CCZ1: variants seen among roughly 807,000 people sequenced by gnomAD.
CCZ1 encodes the protein CCZ1 vacuolar protein trafficking and biogenesis associated, also known as vacuolar fusion protein CCZ1 homolog.
Under a neutral mutation model 57.8 loss-of-function variants are expected in CCZ1, and 19 were observed. The observed-to-expected ratio is 0.33, with a 90% CI of 0.23 to 0.48. CCZ1 has a LOEUF of 0.48. Among genes scored for constraint, CCZ1 ranks in the 20% least tolerant of loss-of-function variants. The pLI, the probability that CCZ1 is intolerant of heterozygous loss-of-function variation, is 0.99. For synonymous variants in CCZ1, 81 were observed against 167.0 expected (o/e 0.49, Z 3.97); for missense variants, 200 against 492.0 (o/e 0.41, Z 5.61).
chr7:5,910,730 A>AT (rs1280126823), intron 8 of CCZ1, among the ~76,000 whole-genome samples: 3 of 91,594 alleles, frequency 3.3e-5, no homozygotes, highest in Non-Finnish European at 6.7e-5. Context: ...TTATTTATTT[A>AT]TTTATTTATT....
chr7:5,911,284 T>C (rs1781972596), intron 8 of CCZ1, among the ~76,000 whole-genome samples: 1 of 148,990 alleles, frequency 6.7e-6, no homozygotes, highest in South Asian at 2.2e-4. Context: ...TTTGGCTCAG[T>C]TGAACTCACT....
intron 8 of CCZ1, among the ~76,000 whole-genome samples, chr7:5,911,511 T>G (rs1326472650): frequency 6.7e-6 from 1 of 148,980 alleles, no homozygotes; most frequent in African/African-American, 2.5e-5. Flanking sequence ...CCCAGGCTAT[T>G]CTCAAACTCC....
chr7:5,901,780 G>A (rs112286506), intron 5 of CCZ1, 76 bp downstream of exon 5: 255,197 of 1,554,008 alleles, frequency 0.16, 28,518 homozygotes, highest in Non-Finnish European at 0.18. Context: ...TGTTTAAAGA[G>A]AAATCTGTAA....
In CCZ1 at chr7:5,925,857, A is replaced by ATATT; in HGVS notation, c.*174_*177dup. The ATATT allele has an allele frequency of 2.2e-6, 2 of 899,908 alleles. No homozygotes were observed. Among genetic ancestry groups the ATATT allele is most frequent in the East Asian group, 4.9e-5 (2 of 40,452 alleles). 55.7% of individuals were successfully genotyped at this position (899,908 alleles called of 1,614,324 possible). ...CTGATCTGAGGTTTTTAGATTTTAA[A>ATATT]TATTTATGTGGAATTAATTAAAGGT... On this transcript the variant is annotated 3_prime_UTR_variant, in exon 15 of 15. Coordinates refer to ENST00000325974, the MANE Select transcript of CCZ1 (RefSeq NM_015622.6).
intron 9 of CCZ1, among the ~76,000 whole-genome samples, chr7:5,912,641 C>T (rs1779062795): frequency 6.6e-6 from 1 of 150,670 alleles, no homozygotes; most frequent in South Asian, 2.1e-4. Context: ...TTCAGGTGAT[C>T]CACCCAGCTC....
intron 10 of CCZ1, among the ~76,000 whole-genome samples, chr7:5,915,233 T>A (rs1472479381): frequency 6.7e-6 from 1 of 149,416 alleles, no homozygotes; most frequent in Non-Finnish European, 1.5e-5. Flanking sequence ...GAAGGGGAGA[T>A]TGCAGGAAGA....
At position 5,904,141 on chromosome 7, in the gene CCZ1, A is replaced by G. The variant is rs537945221; in HGVS notation, c.523-953A>G. Among the ~76,000 whole-genome samples, 197 of 110,042 alleles carry G rather than the reference A, an allele frequency of 1.8e-3. 2 individuals are homozygous for G. The highest frequency in any genetic ancestry group is 7.4e-3 in the African/African-American group (191 of 25,932). 72.2% of individuals were successfully genotyped at this position (110,042 alleles called of 152,430 possible). On this transcript the variant is annotated intron_variant, in intron 6 of 14. Coordinates refer to ENST00000325974, the MANE Select transcript of CCZ1 (RefSeq NM_015622.6). ...GAATCTTACTCTTGTCACCCAGGCT[A>G]GAGTGCAATGGTGTGATCTTGGCTC...
chr7:5,899,805 G>A (rs1471562947), intron 1 of CCZ1, among the ~76,000 whole-genome samples: 4 of 151,820 alleles, frequency 2.6e-5, no homozygotes, highest in Non-Finnish European at 5.9e-5. Flanking sequence ...CAAATGGCTG[G>A]GAACTGACTG....
chr7:5,920,543 C>T (rs1347051382), intron 12 of CCZ1, among the ~76,000 whole-genome samples: 31 of 111,582 alleles, frequency 2.8e-4, no homozygotes, highest in Non-Finnish European at 5.0e-4. Context: ...TTGATCTTGG[C>T]TCACTGCAGC....
rs549264686 is a variant in CCZ1 at position 5,908,921 on chromosome 7, C to G, written c.699-1114C>G. On this transcript the variant is annotated intron_variant, in intron 7 of 14. Coordinates refer to ENST00000325974, the MANE Select transcript of CCZ1 (RefSeq NM_015622.6). ...TAAAATCCATGTACATTTCTGAGAC[C>G]TAGGATCACGTTCCCTGTCTACAGC... 3.0e-4 allele frequency among the ~76,000 whole-genome samples: 44 copies of G among 147,260 alleles called. 1 individual carries two copies. Among genetic ancestry groups the G allele is most frequent in the Non-Finnish European group, 5.2e-4 (35 of 67,450 alleles).
chr7:5,908,055 C>CTA, intron 7 of CCZ1, among the ~76,000 whole-genome samples: 1 of 142,016 alleles, frequency 7.0e-6, no homozygotes, highest in East Asian at 2.5e-4. Flanking sequence ...TTGCAGTGAG[C>CTA]TATGATAGCA....
intron 10 of CCZ1, among the ~76,000 whole-genome samples, chr7:5,916,713 G>C (rs1185836568): frequency 6.8e-6 from 1 of 147,254 alleles, no homozygotes; most frequent in African/African-American, 2.7e-5. Flanking sequence ...TGGCCACAGA[G>C]ACACAGCTGG....
At position 5,901,504 on chromosome 7, in the gene CCZ1, C is replaced by T. The variant is rs964981324; in HGVS notation, c.391-153C>T. 6.4e-5 allele frequency: 76 copies of T among 1,194,200 alleles called. 3 individuals are homozygous for T. Among genetic ancestry groups the T allele is most frequent in the African/African-American group, 1.5e-4 (9 of 60,872 alleles). 74.0% of individuals were successfully genotyped at this position (1,194,200 alleles called of 1,614,324 possible). On this transcript the variant is annotated intron_variant, in intron 4 of 14. Transcript: ENST00000325974. ...CATCTCAAAAAAAAAAAAAAAAGAACGCAAACACTTTTTTTTCAGCACGCA... is the reference window on the plus strand; with the variant it reads ...CATCTCAAAAAAAAAAAAAAAAGAATGCAAACACTTTTTTTTCAGCACGCA...
chr7:5,910,428 C>T (rs1781942230), intron 8 of CCZ1, among the ~76,000 whole-genome samples: 1 of 149,092 alleles, frequency 6.7e-6, no homozygotes, highest in Non-Finnish European at 1.5e-5. Context: ...GAGGTTCAAG[C>T]AATTCTCCTT....
chr7:5,905,150 C>G lies in CCZ1; in HGVS notation c.579C>G (p.Ile193Met). Reference sequence around the variant, plus strand: ...ACCTACTTGACATTTTTGGTGGAATCAGCTTCTTCCCGTTGGATAAAATGA... The same window carrying G: ...ACCTACTTGACATTTTTGGTGGAATGAGCTTCTTCCCGTTGGATAAAATGA... ...SCDLLDIFGG[I>M]SFFPLDKMTY... Residue 193 changes from isoleucine to methionine, a missense_variant, in exon 7 of 15, where the codon ATC becomes ATG. Coordinates refer to ENST00000325974, the MANE Select transcript of CCZ1 (RefSeq NM_015622.6). The G allele has an allele frequency of 6.3e-7, 1 of 1,585,550 alleles. No homozygotes were observed. Among genetic ancestry groups the G allele is most frequent in the Non-Finnish European group, 8.5e-7 (1 of 1,170,006 alleles).
intron 1 of CCZ1, among the ~76,000 whole-genome samples, chr7:5,900,018 A>C (rs1199920701): frequency 7.0e-6 from 1 of 142,350 alleles, no homozygotes; most frequent in Non-Finnish European, 1.5e-5. Context: ...CAATGATGAG[A>C]TCATTCCTGT....
Position 5,910,079 on chromosome 7 carries a change from T to A in CCZ1, c.743T>A (p.Leu248His). The change falls in exon 8 of 15, where the codon CTT becomes CAT. Residue 248 changes from leucine (L) to histidine (H), a missense_variant. Leu to His is a moderately conservative substitution (Grantham distance 99, BLOSUM62 -3). Around this residue, in one of 5 missense-constraint regions of CCZ1, gnomAD observed 128 missense variants for 178.4 expected, o/e 0.72. Transcript: ENST00000325974. ...QDDMRILYKY[L>H]TTSLFPRHIE... is the part of the protein sequence containing the mutation. Reference sequence around the variant, plus strand: ...GACATGAGAATTTTATACAAATACCTTACCACCTCCCTTTTTCCAAGGCAC... The same window carrying A: ...GACATGAGAATTTTATACAAATACCATACCACCTCCCTTTTTCCAAGGCAC... 6.3e-7 allele frequency: 1 copy of A among 1,584,034 alleles called. No individual in the cohort carries two copies. The highest frequency in any genetic ancestry group is 8.6e-7 in the Non-Finnish European group (1 of 1,158,306).
At chr7:5,899,523 C>T (rs1283440750) in intron 1 of CCZ1, among the ~76,000 whole-genome samples, 19 of 125,974 alleles carry the variant, frequency 1.5e-4, no homozygotes, top group Non-Finnish European at 2.8e-4. Flanking sequence ...TTTAGGAGGC[C>T]GAGATGGGAG....
rs1442350494 is a variant in CCZ1 at position 5,900,403 on chromosome 7, T to G, written c.218+22T>G. The G allele has an allele frequency of 5.8e-6, 9 of 1,550,712 alleles. 2 individuals carry two copies. The highest frequency in any genetic ancestry group is 7.9e-6 in the Non-Finnish European group (9 of 1,144,660). ...CAAGGTAATACCTCTAAGTGTGCTT[T>G]TAGCGTTCAGTGAATTCTTAAAACT... On this transcript the variant is annotated intron_variant, in intron 2 of 14. Coordinates refer to ENST00000325974, the MANE Select transcript of CCZ1 (RefSeq NM_015622.6).
Sources: gnomAD v4.1 joint callset for allele counts (sites outside exome capture counted in the v4.1 genomes callset) on GRCh38, gnomAD v4.1.1 for gene constraint, gnomAD v4.1.1 regional missense constraint, MANE v1.5 for transcripts, NCBI Gene and HGNC (gene_info 2026-07-23, HGNC 2026-07-21) for gene names.